Variants in TMEM47 observed in about 807,000 individuals in gnomAD.
TMEM47 encodes transmembrane protein 47.
A neutral mutation model predicts 12.4 loss-of-function variants in TMEM47; 3 were observed. That is an observed-to-expected ratio of 0.24 (90% confidence interval 0.11 to 0.63). The LOEUF (loss-of-function observed/expected upper bound fraction) is 0.63. TMEM47 is among the 20% of genes least tolerant of loss of function. The pLI, the probability that TMEM47 is intolerant of heterozygous loss-of-function variation, is 0.86. For synonymous variants in TMEM47, 62 were observed against 63.3 expected, an observed-to-expected ratio of 0.98 and a Z score of 0.10; for missense variants, 89 against 143.8, an observed-to-expected ratio of 0.62 and a Z score of 1.95.
chrX:34,642,490 G>A (rs926938125), intron 1 of TMEM47, among the ~76,000 whole-genome samples: 1 of 111,729 alleles, frequency 9.0e-6, no homozygotes, highest in Non-Finnish European at 1.9e-5. Context: ...AAAAGTAAAA[G>A]GGACTAGAAC....
At position 34,628,801 on chromosome X, in the gene TMEM47, T is replaced by G. The variant is rs1161843533; in HGVS notation, c.*1512A>C. 1 of 112,302 alleles carries G rather than the reference T, an allele frequency of 8.9e-6. No homozygotes were observed. The highest frequency in any genetic ancestry group is 1.9e-5 in the Non-Finnish European group (1 of 53,160). 9.3% of individuals were successfully genotyped at this position (112,302 alleles called of 1,213,427 possible). ...AAAATAATTATTTATAACTTTTATA[T>G]TAGAACTGTATATTTGATATAAAAA... On this transcript the variant is annotated 3_prime_UTR_variant, in exon 3 of 3. Transcript: ENST00000275954.
At chrX:34,639,029 C>A (rs1314562956) in intron 2 of TMEM47, among the ~76,000 whole-genome samples, 1 of 111,748 alleles carries the variant, frequency 8.9e-6, no homozygotes, top group Non-Finnish European at 1.9e-5. Context: ...ATGCTTTAGT[C>A]AGAGGTTTAG....
chrX:34,638,927 A>T, intron 2 of TMEM47, among the ~76,000 whole-genome samples: 1 of 111,802 alleles, frequency 8.9e-6, no homozygotes, highest in Admixed American at 9.5e-5. Context: ...GAGCAGTAAA[A>T]AAGGGGAAAA....
At chrX:34,640,684 TC>T (rs1482239451) in intron 1 of TMEM47, among the ~76,000 whole-genome samples, 1 of 111,652 alleles carries the variant, frequency 9.0e-6, no homozygotes, top group African/African-American at 3.3e-5. Context: ...TCTGAAATTA[TC>T]CCCCCAGAAA....
At position 34,628,563 on chromosome X, in the gene TMEM47, G is replaced by C. The variant is rs1363018048; in HGVS notation, c.*1750C>G. 9.4e-6 allele frequency: 1 copy of C among 106,440 alleles called. No individual in the cohort carries two copies. Among genetic ancestry groups the C allele is most frequent in the Non-Finnish European group, 1.9e-5 (1 of 51,869 alleles). The allele number at this position is 106,440 out of a possible 1,213,427, so 8.8% of individuals were successfully genotyped here. ...TAATAAAATAGGTTTTTTTTTTTTG[G>C]CTGTTGTTTTTGGCAACCATTCTTA... On this transcript the variant is annotated 3_prime_UTR_variant, in exon 3 of 3. Transcript: ENST00000275954.
intron 1 of TMEM47, among the ~76,000 whole-genome samples, chrX:34,653,957 G>C (rs1922060860): frequency 9.0e-6 from 1 of 111,003 alleles, no homozygotes; most frequent in Admixed American, 9.6e-5. Context: ...TGCCTCAACT[G>C]TCCTCCATAC....
intron 1 of TMEM47, among the ~76,000 whole-genome samples, chrX:34,647,453 C>G (rs986485021): frequency 4.5e-5 from 5 of 111,437 alleles, no homozygotes; most frequent in African/African-American, 1.6e-4. Flanking sequence ...TAACAGTCAA[C>G]AAGCTGATAG....
intron 2 of TMEM47, among the ~76,000 whole-genome samples, chrX:34,632,585 C>T (rs1318833034): frequency 1.8e-5 from 2 of 111,888 alleles, no homozygotes; most frequent in Admixed American, 1.9e-4. Context: ...AAACACCCAA[C>T]ATTTCTGCCG....
chrX:34,633,285 A>T (rs1008139296), intron 2 of TMEM47, among the ~76,000 whole-genome samples: 1 of 111,861 alleles, frequency 8.9e-6, no homozygotes, highest in African/African-American at 3.2e-5. Flanking sequence ...GCTCTTTTAG[A>T]TCAATCGTGA....
At chrX:34,640,209 C>G (rs1235792643) in intron 1 of TMEM47, among the ~76,000 whole-genome samples, 1 of 111,187 alleles carries the variant, frequency 9.0e-6, no homozygotes, top group Non-Finnish European at 1.9e-5. Flanking sequence ...TTAAGTATTC[C>G]CAGGGAGCCA....
chrX:34,643,645 C>G (rs1025927907), intron 1 of TMEM47, among the ~76,000 whole-genome samples: 1 of 111,369 alleles, frequency 9.0e-6, no homozygotes, highest in Non-Finnish European at 1.9e-5. Context: ...AGTTTTCTAC[C>G]TTTCTATAAA....
intron 1 of TMEM47, among the ~76,000 whole-genome samples, chrX:34,642,772 G>A (rs1921841679): frequency 8.9e-6 from 1 of 111,913 alleles, no homozygotes; most frequent in Non-Finnish European, 1.9e-5. Flanking sequence ...ACTAGAAATG[G>A]GCCATGACTG....
chrX:34,640,497 T>C (rs977174299), intron 1 of TMEM47, among the ~76,000 whole-genome samples: 3 of 112,115 alleles, frequency 2.7e-5, no homozygotes, highest in African/African-American at 9.7e-5. Context: ...CTATACAGGT[T>C]GGGAAACATC....
chrX:34,639,419 G>GT lies in TMEM47; in HGVS notation c.227-33dup, dbSNP rs769459270. ...AGAAAAAAGAAATTGTTTTTGAGTA[G>GT]TAAGTCCTCAAAGAATCAACAGAAC... is the stretch of plus-strand genomic sequence containing the variant. On this transcript the variant is annotated intron_variant, in intron 1 of 2. Coordinates refer to ENST00000275954, the MANE Select transcript of TMEM47 (RefSeq NM_031442.4). 5 of 1,181,800 alleles carry GT rather than the reference G, an allele frequency of 4.2e-6. No homozygotes were observed. The African/African-American group carries it at 8.9e-5, about 21-fold the overall frequency.
chrX:34,639,189 G>A, intron 2 of TMEM47, 58 bp downstream of exon 2: 1 of 1,126,621 alleles, frequency 8.9e-7, no homozygotes, highest in East Asian at 3.3e-5. Context: ...AGGAAAGGAA[G>A]ATGGTAGAAA....
In TMEM47 at chrX:34,656,079, C is replaced by T. The variant is rs1417567156; in HGVS notation, c.226+725G>A. Among the ~76,000 whole-genome samples, 3 of 110,804 alleles carry T rather than the reference C, an allele frequency of 2.7e-5. No individual in the cohort carries two copies. In the Admixed American group the frequency reaches 2.9e-4, roughly 11 times the overall value. On this transcript the variant is annotated intron_variant, in intron 1 of 2. Transcript: ENST00000275954. ...ATCCATTTGCAGCTTTCAGCGCTGG[C>T]GGAATAAAGCACAACTTTCTAGGCA...
chrX:34,642,123 C>T (rs1254390721), intron 1 of TMEM47, among the ~76,000 whole-genome samples: 10 of 112,775 alleles, frequency 8.9e-5, no homozygotes, highest in Non-Finnish European at 1.7e-4. Context: ...TCCCAAAGTG[C>T]TGGGATTACA....
At chrX:34,656,045 C>T (rs766304649) in intron 1 of TMEM47, among the ~76,000 whole-genome samples, 40 of 111,317 alleles carry the variant, frequency 3.6e-4, no homozygotes, top group African/African-American at 1.2e-3. Context: ...CACTCCCCAC[C>T]CCCATCTTAT....
intron 2 of TMEM47, among the ~76,000 whole-genome samples, chrX:34,636,151 T>G (rs1921712577): frequency 9.0e-6 from 1 of 111,621 alleles, no homozygotes. Flanking sequence ...TCTTTTAGTT[T>G]GAAATCTAAA....
Sources: gnomAD v4.1 joint callset for allele counts (sites outside exome capture counted in the v4.1 genomes callset) on GRCh38, gnomAD v4.1.1 for gene constraint, MANE v1.5 for transcripts, NCBI Gene and HGNC (gene_info 2026-07-23, HGNC 2026-07-21) for gene names.